The following FRMD5 variants were observed in gnomAD, a reference collection of about 807,000 sequenced individuals.
FRMD5 encodes the protein FERM domain containing 5, also known as FERM domain-containing protein 5.
Under a neutral mutation model 69.0 loss-of-function variants are expected in FRMD5, and 20 were observed. That is an observed-to-expected ratio of 0.29 (90% CI 0.20 to 0.42). The LOEUF is 0.42. FRMD5 is among the 10% of genes least tolerant of loss of function. The pLI, the probability that FRMD5 is intolerant of heterozygous loss-of-function variation, is 1.00. For missense variants in FRMD5, 595 were observed against 708.6 expected (o/e 0.84, Z 1.82); for synonymous variants, 271 against 260.1 (o/e 1.04, Z -0.40).
intron 1 of FRMD5, among the ~76,000 whole-genome samples, chr15:44,162,254 G>A (rs986851168): frequency 3.1e-5 from 4 of 129,034 alleles, no homozygotes; most frequent in African/African-American, 8.1e-5. Flanking sequence ...GTGAGCCACC[G>A]TGCCAGGCCT....
At chr15:43,882,768 T>G (rs1184604862) in intron 13 of FRMD5, among the ~76,000 whole-genome samples, 1 of 152,146 alleles carries the variant, frequency 6.6e-6, no homozygotes, top group Non-Finnish European at 1.5e-5. Context: ...CTGATAATTT[T>G]ACTGTGGAGA....
Position 43,873,083 on chromosome 15 carries a change from C to CG in FRMD5, c.*801dup, listed in dbSNP as rs1332742336. On this transcript the variant is annotated 3_prime_UTR_variant, in exon 14 of 14. Transcript: ENST00000417257. ...GCACTATAAAAGTCTTGAGGTTCTT[C>CG]GGAAAAAAAAAATCACGTTAAGTCT... 6.5e-6 allele frequency: 8 copies of CG among 1,237,804 alleles called. No homozygotes were observed. In the East Asian group the frequency reaches 7.6e-5, roughly 12 times the overall value. 76.7% of individuals were successfully genotyped at this position (1,237,804 alleles called of 1,614,324 possible). A position where few individuals can be genotyped will look rare whatever the true frequency, so the allele number is the denominator to read the frequency against.
intron 1 of FRMD5, among the ~76,000 whole-genome samples, chr15:44,115,046 T>C (rs555185676): frequency 6.6e-6 from 1 of 152,032 alleles, no homozygotes; most frequent in African/African-American, 2.4e-5. Flanking sequence ...ATTCACTTTT[T>C]AAAAAAAACT....
At chr15:44,196,100 G>GT (rs1035808451), upstream of FRMD5, among the ~76,000 whole-genome samples, 1 of 152,092 alleles carries the variant, frequency 6.6e-6, no homozygotes, top group Non-Finnish European at 1.5e-5. Context: ...AGACTTCAAG[G>GT]TTTTTTACCA....
chr15:43,978,905 T>C (rs1424318957), intron 1 of FRMD5, among the ~76,000 whole-genome samples: 2 of 152,182 alleles, frequency 1.3e-5, no homozygotes, highest in African/African-American at 4.8e-5. Context: ...TGGATAAATA[T>C]AGATTTTTGC....
intron 1 of FRMD5, among the ~76,000 whole-genome samples, chr15:44,081,195 A>C (rs1490360990): frequency 1.3e-5 from 2 of 152,122 alleles, no homozygotes. Context: ...ATTTCTAAAA[A>C]AAATTCATTA....
intron 1 of FRMD5, among the ~76,000 whole-genome samples, chr15:44,116,467 G>A (rs2076869876): frequency 6.6e-6 from 1 of 152,124 alleles, no homozygotes; most frequent in African/African-American, 2.4e-5. Flanking sequence ...CCTGTGTCCT[G>A]ACTACAGGGC....
chr15:43,916,559 C>T (rs867246716), intron 4 of FRMD5, among the ~76,000 whole-genome samples: 4 of 151,950 alleles, frequency 2.6e-5, no homozygotes, highest in South Asian at 2.1e-4. Flanking sequence ...TTAATCTTCC[C>T]GACAATTCTA....
intron 1 of FRMD5, chr15:43,989,431 T>C (rs1889560357): frequency 1.5e-5 from 12 of 790,996 alleles, no homozygotes; most frequent in Non-Finnish European, 2.8e-5. Context: ...GAACTGCTTT[T>C]GCCGATGATG....
At position 44,062,613 on chromosome 15, in the gene FRMD5, C is replaced by G. The variant is rs144539919; in HGVS notation, c.102+132340G>C. On this transcript the variant is annotated intron_variant, in intron 1 of 13. Coordinates refer to ENST00000417257, the MANE Select transcript of FRMD5 (RefSeq NM_032892.5). ...AGCTGAGGCAGAGAACTGCTTGAAC[C>G]TGGGAGGCAGAGGCTGCAGTGAGCT... is the stretch of plus-strand genomic sequence containing the variant. Among the ~76,000 whole-genome samples, 486 of 149,896 alleles carry G rather than the reference C, an allele frequency of 3.2e-3. 3 individuals are homozygous for G. Among genetic ancestry groups the G allele is most frequent in the Non-Finnish European group, 5.8e-3 (391 of 67,744 alleles).
At chr15:44,025,801 T>C (rs1446660492) in intron 1 of FRMD5, among the ~76,000 whole-genome samples, 1 of 152,210 alleles carries the variant, frequency 6.6e-6, no homozygotes, top group East Asian at 1.9e-4. Flanking sequence ...AGAGCCAGGC[T>C]TGGTGGCTGC....
At chr15:44,096,264 G>C (rs2076551214) in intron 1 of FRMD5, among the ~76,000 whole-genome samples, 1 of 149,672 alleles carries the variant, frequency 6.7e-6, no homozygotes, top group Admixed American at 6.7e-5. Context: ...TTCCAACTCA[G>C]GGTGATCCAT....
chr15:43,954,110 C>CT (rs1200762173), intron 1 of FRMD5, among the ~76,000 whole-genome samples: 3 of 152,208 alleles, frequency 2.0e-5, no homozygotes, highest in African/African-American at 7.2e-5. Flanking sequence ...TGGCCAAGCC[C>CT]TGTCGATGCC....
chr15:44,009,680 A>C, intron 1 of FRMD5, among the ~76,000 whole-genome samples: 1 of 152,076 alleles, frequency 6.6e-6, no homozygotes, highest in East Asian at 1.9e-4. Flanking sequence ...CTGTGTTTGA[A>C]AAAAAAATCC....
chr15:44,105,903 A>C (rs906448626), intron 1 of FRMD5, among the ~76,000 whole-genome samples: 7 of 152,180 alleles, frequency 4.6e-5, no homozygotes, highest in African/African-American at 1.4e-4. Context: ...CAGATACCAC[A>C]ATCCAAATGT....
At chr15:44,059,338 TAG>T (rs1049253048) in intron 1 of FRMD5, among the ~76,000 whole-genome samples, 7 of 152,252 alleles carry the variant, frequency 4.6e-5, no homozygotes, top group African/African-American at 1.4e-4. Context: ...AATGCTATGA[TAG>T]AGTCTGCATA....
At chr15:43,908,785 A>C (rs1410897513) in intron 5 of FRMD5, among the ~76,000 whole-genome samples, 1 of 152,036 alleles carries the variant, frequency 6.6e-6, no homozygotes, top group Non-Finnish European at 1.5e-5. Context: ...GTAAGCCTCA[A>C]CTCTTACTTA....
intron 1 of FRMD5, among the ~76,000 whole-genome samples, chr15:44,070,796 T>C (rs1401569064): frequency 2.0e-5 from 3 of 152,220 alleles, no homozygotes; most frequent in Admixed American, 1.3e-4. Context: ...GATAGGTAAC[T>C]CACTGCTTTT....
At chr15:44,125,307 T>G (rs889249791) in intron 1 of FRMD5, among the ~76,000 whole-genome samples, 5 of 151,358 alleles carry the variant, frequency 3.3e-5, no homozygotes, top group African/African-American at 1.2e-4. Context: ...CATCTCTTAA[T>G]AATAATAATA....
Sources: gnomAD v4.1 joint callset for allele counts (sites outside exome capture counted in the v4.1 genomes callset) on GRCh38, gnomAD v4.1.1 for gene constraint, MANE v1.5 for transcripts, NCBI Gene and HGNC (gene_info 2026-07-23, HGNC 2026-07-21) for gene names.